Variants in SMAP2 observed in about 807,000 individuals in gnomAD.
SMAP2 encodes small ArfGAP2, also known as stromal membrane-associated protein 2.
SMAP2 carries 25 observed loss-of-function variants against 56.4 expected under a neutral mutation model. The ratio of observed to expected loss-of-function variants is 0.44; its 90% CI spans 0.32 to 0.62. The LOEUF is 0.62. SMAP2 is among the 20% of genes least tolerant of loss of function. The pLI, the probability that SMAP2 is intolerant of heterozygous loss-of-function variation, is 0.04. For synonymous variants in SMAP2, 157 were observed against 181.7 expected (o/e 0.86, Z 1.09); for missense variants, 388 against 545.6 (o/e 0.71, Z 2.88).
Position 40,408,812 on chromosome 1 carries a change from C to A in SMAP2, c.323+74C>A. 1.7e-6 allele frequency: 2 copies of A among 1,185,230 alleles called. No homozygotes were observed. The highest frequency in any genetic ancestry group is 1.2e-5 in the South Asian group (1 of 80,890). The allele number at this position is 1,185,230 out of a possible 1,614,324, so 73.4% of individuals were successfully genotyped here. ...GGGGAGAGTCAGACAAGACTCCAGT[C>A]CTGTAATGTGACTGGGTCATCTCTA... On this transcript the variant is annotated intron_variant, in intron 3 of 9. Coordinates refer to ENST00000372718, the MANE Select transcript of SMAP2 (RefSeq NM_022733.3). The surrounding 1 kb of genome is among the most constrained non-coding windows in gnomAD (Gnocchi z 4.3).
intron 1 of SMAP2, among the ~76,000 whole-genome samples, chr1:40,351,022 C>T (rs1644407196): frequency 6.6e-6 from 1 of 152,202 alleles, no homozygotes; most frequent in Admixed American, 6.5e-5. Flanking sequence ...AATCTCCCTC[C>T]TTACCCAGAA....
intron 6 of SMAP2, 80 bp downstream of exon 6, chr1:40,414,320 G>A: frequency 1.5e-6 from 2 of 1,334,674 alleles, no homozygotes; most frequent in Non-Finnish European, 2.1e-6. Flanking sequence ...AGGTAGAGAT[G>A]GGGTTCTCCA....
chr1:40,409,677 C>A, intron 3 of SMAP2, 80 bp from the exon 4 acceptor site: 1 of 976,066 alleles, frequency 1.0e-6, no homozygotes, highest in Non-Finnish European at 1.6e-6. Flanking sequence ...GAGAACAATG[C>A]TCCGTGGAAC....
chr1:40,390,026 A>G (rs1644701821), intron 1 of SMAP2, among the ~76,000 whole-genome samples: 1 of 150,370 alleles, frequency 6.7e-6, no homozygotes, highest in South Asian at 2.1e-4. Context: ...CTTATGCCAT[A>G]TATTTTGACC....
intron 1 of SMAP2, among the ~76,000 whole-genome samples, chr1:40,382,191 A>T (rs1471768151): frequency 6.6e-6 from 1 of 152,160 alleles, no homozygotes; most frequent in Non-Finnish European, 1.5e-5. Context: ...ACAGTTGTCT[A>T]TATAACTGTT....
chr1:40,410,619 G>T (rs575245256), intron 4 of SMAP2, among the ~76,000 whole-genome samples: 1 of 152,168 alleles, frequency 6.6e-6, no homozygotes, highest in South Asian at 2.1e-4. Flanking sequence ...TTGCCAATGG[G>T]ACCCTTGTTT....
intron 1 of SMAP2, among the ~76,000 whole-genome samples, chr1:40,355,243 A>G (rs571810311): frequency 8.5e-5 from 13 of 152,266 alleles, no homozygotes; most frequent in African/African-American, 2.4e-4. Context: ...GCCTCTACTC[A>G]GGTTATGATA....
intron 1 of SMAP2, among the ~76,000 whole-genome samples, chr1:40,389,126 G>A (rs1644691289): frequency 6.6e-6 from 1 of 152,196 alleles, no homozygotes; most frequent in Non-Finnish European, 1.5e-5. Flanking sequence ...TGAAGTCAGT[G>A]AAACCAAGAA....
intron 1 of SMAP2, among the ~76,000 whole-genome samples, chr1:40,394,457 G>A (rs1644749963): frequency 6.6e-6 from 1 of 152,072 alleles, no homozygotes; most frequent in South Asian, 2.1e-4. Flanking sequence ...GTAGCATCAA[G>A]GGACTGGCCT....
intron 1 of SMAP2, among the ~76,000 whole-genome samples, chr1:40,397,975 C>A (rs1644788602): frequency 6.6e-6 from 1 of 152,134 alleles, no homozygotes; most frequent in African/African-American, 2.4e-5. Context: ...AGGCTCTCAA[C>A]AGACTTTATA....
intron 7 of SMAP2, among the ~76,000 whole-genome samples, chr1:40,415,653 G>A (rs1644979977): frequency 6.6e-6 from 1 of 152,150 alleles, no homozygotes; most frequent in Non-Finnish European, 1.5e-5. Context: ...CTAGCTCCTC[G>A]GCCTGAGTTA....
At chr1:40,390,112 C>G (rs1285016047) in intron 1 of SMAP2, among the ~76,000 whole-genome samples, 1 of 152,176 alleles carries the variant, frequency 6.6e-6, no homozygotes, top group Non-Finnish European at 1.5e-5. Flanking sequence ...GGGCAAATCT[C>G]CATCTTTTGC....
At chr1:40,383,152 T>G (rs1442965984) in intron 1 of SMAP2, among the ~76,000 whole-genome samples, 1 of 152,128 alleles carries the variant, frequency 6.6e-6, no homozygotes, top group African/African-American at 2.4e-5. Flanking sequence ...CCCATTCGAT[T>G]AGCAATGCCT....
At chr1:40,371,501 T>C (rs1015650602), upstream of SMAP2, among the ~76,000 whole-genome samples, 2 of 152,242 alleles carry the variant, frequency 1.3e-5, no homozygotes, top group Non-Finnish European at 2.9e-5. Flanking sequence ...TTATCCTCTA[T>C]GGGCTGGCAG....
intron 2 of SMAP2, among the ~76,000 whole-genome samples, chr1:40,363,554 GAA>G (rs1246882329): frequency 6.6e-6 from 1 of 151,488 alleles, no homozygotes; most frequent in East Asian, 1.9e-4. Flanking sequence ...GCCAAAAATA[GAA>G]GACCTCACCA....
At chr1:40,414,026 G>T (rs1644962844) in intron 5 of SMAP2, 133 bp from the exon 6 acceptor site, 2 of 737,216 alleles carry the variant, frequency 2.7e-6, no homozygotes, top group East Asian at 5.4e-5. Flanking sequence ...TACTTCCTGA[G>T]TTTTGTTTCT....
At chr1:40,410,129 C>G (rs1415133844) in intron 4 of SMAP2, among the ~76,000 whole-genome samples, 1 of 151,946 alleles carries the variant, frequency 6.6e-6, no homozygotes, top group Non-Finnish European at 1.5e-5. Context: ...CCTGTAATAA[C>G]CAGCTACTTG....
intron 8 of SMAP2, 125 bp from the exon 9 acceptor site, chr1:40,416,655 G>T (rs1055340992): frequency 4.9e-6 from 5 of 1,025,716 alleles, no homozygotes; most frequent in Non-Finnish European, 7.1e-6. Context: ...ACTTTGCTGT[G>T]TAAAGAGCAT....
In SMAP2 at chr1:40,422,348, C is replaced by G. The variant is rs1365900083; in HGVS notation, c.*247C>G. 2 of 456,422 alleles carry G rather than the reference C, an allele frequency of 4.4e-6. No homozygotes were observed. Among genetic ancestry groups the G allele is most frequent in the Non-Finnish European group, 8.0e-6 (2 of 248,452 alleles). 28.3% of individuals were successfully genotyped at this position (456,422 alleles called of 1,614,324 possible). Reference sequence around the variant, plus strand: ...CCCAGTCCTCTCCTGGCACCAGCACCTTAGAAGTTGTTGGCAGAAGGCACT... The same window carrying G: ...CCCAGTCCTCTCCTGGCACCAGCACGTTAGAAGTTGTTGGCAGAAGGCACT... On this transcript the variant is annotated 3_prime_UTR_variant, in exon 10 of 10. Transcript: ENST00000372718.
Sources: allele counts gnomAD v4.1 joint callset (sites outside exome capture counted in the v4.1 genomes callset), GRCh38; gene constraint gnomAD v4.1.1; non-coding constraint Gnocchi (gnomAD v3.1); transcripts MANE v1.5; gene names NCBI Gene and HGNC (gene_info 2026-07-23, HGNC 2026-07-21).